CREBRF: variants seen among roughly 807,000 people sequenced by gnomAD.
CREBRF encodes the protein CREB3 regulatory factor.
A neutral mutation model predicts 66.1 loss-of-function variants in CREBRF; 5 were observed. That is an observed-to-expected ratio of 0.08 (90% CI 0.04 to 0.16). The LOEUF is 0.16. Ranked by LOEUF, CREBRF falls within the 10% of genes least tolerant of loss-of-function variation. The probability of loss-of-function intolerance (pLI) is 1.00; values close to 1 mark genes in which losing one functional copy is unlikely to be tolerated. For synonymous variants in CREBRF, 229 were observed against 264.4 expected (o/e 0.87, Z 1.30); for missense variants, 531 against 744.9 (o/e 0.71, Z 3.34).
chr5:173,118,729 CTTT>C (rs765280974), intron 7 of CREBRF, among the ~76,000 whole-genome samples: 2 of 137,188 alleles, frequency 1.5e-5, no homozygotes, highest in Non-Finnish European at 1.6e-5. Context: ...GGATACAAAA[CTTT>C]TTTTTTTTTT....
intron 1 of CREBRF, among the ~76,000 whole-genome samples, chr5:173,076,623 C>T (rs1055478010): frequency 3.3e-5 from 5 of 151,690 alleles, no homozygotes; most frequent in Admixed American, 2.6e-4. Flanking sequence ...CGTGGTGGTG[C>T]TGCATGCCTG....
intron 8 of CREBRF, among the ~76,000 whole-genome samples, chr5:173,132,128 C>A (rs543112355): frequency 6.7e-6 from 1 of 148,398 alleles, no homozygotes; most frequent in African/African-American, 2.5e-5. Context: ...TCTTGTTGCC[C>A]AGGCTGGAGT....
intron 1 of CREBRF, among the ~76,000 whole-genome samples, chr5:173,075,580 G>A (rs558506793): frequency 6.8e-4 from 103 of 152,260 alleles, no homozygotes; most frequent in African/African-American, 2.5e-3. Flanking sequence ...AGAATATGAG[G>A]CAGATGGGTC....
At chr5:173,101,880 CCTTT>C (rs1468679882) in intron 4 of CREBRF, among the ~76,000 whole-genome samples, 1 of 152,066 alleles carries the variant, frequency 6.6e-6, no homozygotes, top group Non-Finnish European at 1.5e-5. Context: ...GCTTTCTGCC[CCTTT>C]CTCTTTCTTT....
rs575036216 is a variant in CREBRF, at chr5:173,118,866, C to T, written c.1682-4214C>T. Among the ~76,000 whole-genome samples the T allele has an allele frequency of 2.6e-5, 4 of 151,470 alleles. No individual in the cohort carries two copies. The South Asian group carries it at 8.4e-4, about 32-fold the overall frequency. ...CCAACCTGGCCAACATAGTGAGACC[C>T]TTGTCTCTATTTAAAATTATTTTTA... On this transcript the variant is annotated intron_variant, in intron 7 of 8. Coordinates refer to ENST00000296953, the MANE Select transcript of CREBRF (RefSeq NM_153607.3).
chr5:173,123,280 C>G (rs1231633376), intron 8 of CREBRF, 78 bp downstream of exon 8: 3 of 1,435,660 alleles, frequency 2.1e-6, no homozygotes, highest in Non-Finnish European at 2.8e-6. Context: ...ATTAAAAGTT[C>G]TTTTAGTTTA....
intron 1 of CREBRF, among the ~76,000 whole-genome samples, chr5:173,077,831 C>G (rs1328054533): frequency 6.6e-6 from 1 of 152,164 alleles, no homozygotes; most frequent in Non-Finnish European, 1.5e-5. Flanking sequence ...TAATATTTGT[C>G]CTTTTGTGTC....
intron 2 of CREBRF, among the ~76,000 whole-genome samples, chr5:173,083,950 A>C (rs1758049247): frequency 6.6e-6 from 1 of 152,182 alleles, no homozygotes; most frequent in African/African-American, 2.4e-5. Flanking sequence ...TCAGTGAAAG[A>C]AGTTAGAAAT....
chr5:173,062,164 T>C (rs1412794726), intron 1 of CREBRF, among the ~76,000 whole-genome samples: 1 of 152,212 alleles, frequency 6.6e-6, no homozygotes, highest in Non-Finnish European at 1.5e-5. Context: ...ACTTTGAATA[T>C]GCTAATATTT....
intron 1 of CREBRF, among the ~76,000 whole-genome samples, chr5:173,080,060 AT>A (rs1351511891): frequency 6.6e-6 from 1 of 152,226 alleles, no homozygotes; most frequent in Non-Finnish European, 1.5e-5. Context: ...TGAAAGAATA[AT>A]GTTGGCATAT....
At chr5:173,100,731 A>G (rs772719317) in intron 4 of CREBRF, among the ~76,000 whole-genome samples, 1 of 152,168 alleles carries the variant, frequency 6.6e-6, no homozygotes, top group Non-Finnish European at 1.5e-5. Context: ...CCCCCAACCC[A>G]TATGTTTTCA....
intron 8 of CREBRF, among the ~76,000 whole-genome samples, chr5:173,132,143 TG>T (rs1759444436): frequency 6.8e-6 from 1 of 147,986 alleles, no homozygotes; most frequent in African/African-American, 2.5e-5. Flanking sequence ...TGGAGTGCGG[TG>T]GCACAATCTT....
chr5:173,112,639 ATTTG>A (rs779644569), intron 7 of CREBRF, among the ~76,000 whole-genome samples: 4 of 152,254 alleles, frequency 2.6e-5, no homozygotes, highest in Middle Eastern at 3.4e-3. Flanking sequence ...GACCATGATA[ATTTG>A]TTTATTTTTT....
At chr5:173,066,241 A>G (rs1350219338) in intron 1 of CREBRF, among the ~76,000 whole-genome samples, 1 of 152,248 alleles carries the variant, frequency 6.6e-6, no homozygotes, top group African/African-American at 2.4e-5. Context: ...ATACCTGTTC[A>G]AAGACTAATT....
chr5:173,074,760 C>T (rs895622509), intron 1 of CREBRF, among the ~76,000 whole-genome samples: 12 of 151,982 alleles, frequency 7.9e-5, no homozygotes, highest in Non-Finnish European at 1.8e-4. Flanking sequence ...GTAGCTGGGA[C>T]GGCAAGTGTG....
rs527889691 is a variant in CREBRF, at chr5:173,092,439, C to T, written c.1222+1038C>T. 2.8e-5 allele frequency: 28 copies of T among 984,754 alleles called. No individual in the cohort carries two copies. In the South Asian group the frequency reaches 5.6e-4, roughly 20 times the overall value. The allele number at this position is 984,754 out of a possible 1,614,324, so 61.0% of individuals were successfully genotyped here. On this transcript the variant is annotated intron_variant, in intron 4 of 8. Transcript: ENST00000296953. ...AGCATTTACATGCTTGGGCTTTTGG[C>T]GCTGTTGGCTTGTGCAGTTTATTTA...
intron 7 of CREBRF, among the ~76,000 whole-genome samples, chr5:173,115,861 C>T (rs374854035): frequency 2.6e-5 from 4 of 152,138 alleles, no homozygotes; most frequent in Non-Finnish European, 5.9e-5. Flanking sequence ...CCGCCCGCCT[C>T]GGCCTCCCAA....
intron 1 of CREBRF, among the ~76,000 whole-genome samples, chr5:173,061,460 T>C (rs554078186): frequency 3.3e-5 from 5 of 152,252 alleles, no homozygotes; most frequent in African/African-American, 1.2e-4. Context: ...AAAAGCTGTT[T>C]AAAGCAAATA....
At chr5:173,089,296 T>C (rs1041762743) in intron 3 of CREBRF, among the ~76,000 whole-genome samples, 1 of 151,918 alleles carries the variant, frequency 6.6e-6, no homozygotes, top group Non-Finnish European at 1.5e-5. Context: ...TCATTTTCTT[T>C]CTGTGCCTCC....
Sources: allele counts gnomAD v4.1 joint callset (sites outside exome capture counted in the v4.1 genomes callset), GRCh38; gene constraint gnomAD v4.1.1; transcripts MANE v1.5; gene names NCBI Gene and HGNC (gene_info 2026-07-23, HGNC 2026-07-21).